The following KCNQ5 variants were observed in gnomAD, a reference collection of about 807,000 sequenced individuals.
KCNQ5 encodes the protein potassium voltage-gated channel subfamily Q member 5.
In KCNQ5, 30 loss-of-function variants were observed where a neutral mutation model predicts 98.2. The ratio of observed to expected loss-of-function variants is 0.31; its 90% CI spans 0.23 to 0.41. KCNQ5 has a LOEUF of 0.41. Among genes scored for constraint, KCNQ5 ranks in the 10% least tolerant of loss-of-function variants. The pLI is 1.00. For missense variants in KCNQ5, 835 were observed against 1,182.5 expected (o/e 0.71, Z 4.31); for synonymous variants, 458 against 449.4 (o/e 1.02, Z -0.24).
chr6:73,082,015 A>G (rs961015168), intron 5 of KCNQ5, among the ~76,000 whole-genome samples: 3 of 152,178 alleles, frequency 2.0e-5, no homozygotes, highest in African/African-American at 7.2e-5. Context: ...ATTTTCTTTC[A>G]CCTGTGTGAC....
chr6:72,986,837 C>A (rs1768801999), intron 1 of KCNQ5: 8 of 1,082,178 alleles, frequency 7.4e-6, no homozygotes, highest in Non-Finnish European at 1.1e-5. Context: ...GGCCCAGGAC[C>A]CCACAGCCCT....
intron 1 of KCNQ5, among the ~76,000 whole-genome samples, chr6:72,784,772 T>C (rs973074037): frequency 6.6e-6 from 1 of 152,172 alleles, no homozygotes; most frequent in African/African-American, 2.4e-5. Flanking sequence ...TTCCTACCCA[T>C]ATCCCTTTGG....
rs781364970 is a variant in KCNQ5 at position 73,190,544 on chromosome 6, AG to A, written c.1578-28del. 2.5e-6 allele frequency: 3 copies of A among 1,218,220 alleles called. No homozygotes were observed. In the African/African-American group the frequency reaches 4.6e-5, roughly 19 times the overall value. 75.5% of individuals were successfully genotyped at this position (1,218,220 alleles called of 1,614,324 possible). A position where few individuals can be genotyped will look rare whatever the true frequency, so the allele number is the denominator to read the frequency against. ...GTAACTTATATTAACAGAGTTATAA[AG>A]ATTAATATGTAATATGTTCTCATAC... On this transcript the variant is annotated intron_variant, in intron 11 of 13. Transcript: ENST00000370398.
At chr6:72,832,251 T>C (rs1239509511) in intron 1 of KCNQ5, among the ~76,000 whole-genome samples, 1 of 151,974 alleles carries the variant, frequency 6.6e-6, no homozygotes, top group Admixed American at 6.6e-5. Flanking sequence ...GATAAGATGT[T>C]TGGAAGAATG....
intron 5 of KCNQ5, among the ~76,000 whole-genome samples, chr6:73,102,079 C>T (rs1774801241): frequency 6.6e-6 from 1 of 151,950 alleles, no homozygotes; most frequent in Admixed American, 6.6e-5. Context: ...AAGAGAGAAA[C>T]CAGAAACAAA....
intron 6 of KCNQ5, among the ~76,000 whole-genome samples, chr6:73,110,340 G>A (rs1775190996): frequency 6.6e-6 from 1 of 152,176 alleles, no homozygotes; most frequent in Non-Finnish European, 1.5e-5. Context: ...AATTTAGCAA[G>A]CTCCAAAAGC....
intron 1 of KCNQ5, among the ~76,000 whole-genome samples, chr6:72,629,096 A>T (rs533155282): frequency 6.6e-6 from 1 of 152,282 alleles, no homozygotes; most frequent in East Asian, 1.9e-4. Flanking sequence ...ATGCATACAT[A>T]CTGATTCATT....
At chr6:72,709,454 C>A (rs184580720) in intron 1 of KCNQ5, among the ~76,000 whole-genome samples, 8 of 152,242 alleles carry the variant, frequency 5.3e-5, no homozygotes, top group Admixed American at 5.2e-4. Flanking sequence ...TTACATAACA[C>A]TCTGATGGCG....
At chr6:72,771,098 G>A (rs1251191757) in intron 1 of KCNQ5, among the ~76,000 whole-genome samples, 1 of 152,032 alleles carries the variant, frequency 6.6e-6, no homozygotes, top group Non-Finnish European at 1.5e-5. Context: ...TAAAGGAGTG[G>A]GCAGCCTTCT....
intron 1 of KCNQ5, among the ~76,000 whole-genome samples, chr6:72,964,483 C>T (rs997871409): frequency 1.3e-5 from 2 of 152,204 alleles, no homozygotes; most frequent in East Asian, 3.9e-4. Flanking sequence ...CCTTAGGGTA[C>T]AGAAAGACAT....
chr6:72,897,230 A>G (rs1025294299), intron 1 of KCNQ5, among the ~76,000 whole-genome samples: 115 of 152,036 alleles, frequency 7.6e-4, no homozygotes, highest in Middle Eastern at 3.4e-3. Flanking sequence ...AAATTATTGG[A>G]AAAAAAATTT....
intron 2 of KCNQ5, among the ~76,000 whole-genome samples, chr6:73,039,124 T>C (rs1359806562): frequency 6.6e-6 from 1 of 152,150 alleles, no homozygotes; most frequent in Non-Finnish European, 1.5e-5. Context: ...CAAGTGTATG[T>C]GCGTAAAGTT....
chr6:72,965,595 T>A (rs1003658285), intron 1 of KCNQ5, among the ~76,000 whole-genome samples: 1 of 152,210 alleles, frequency 6.6e-6, no homozygotes, highest in Non-Finnish European at 1.5e-5. Flanking sequence ...TCTGAGCAGA[T>A]GTTCTTATTG....
At chr6:72,776,274 T>A (rs2154477647) in intron 1 of KCNQ5, among the ~76,000 whole-genome samples, 1 of 152,306 alleles carries the variant, frequency 6.6e-6, no homozygotes, top group African/African-American at 2.4e-5. Flanking sequence ...CATAACCCAA[T>A]AGCCATTTAT....
intron 1 of KCNQ5, among the ~76,000 whole-genome samples, chr6:72,711,769 G>C (rs75761182): frequency 0.013 from 2,030 of 152,300 alleles, 33 homozygotes; most frequent in African/African-American, 0.042. Context: ...GAATGAATTT[G>C]TTGGGACAAG....
intron 7 of KCNQ5, among the ~76,000 whole-genome samples, chr6:73,113,422 C>A (rs1387363015): frequency 6.6e-6 from 1 of 152,184 alleles, no homozygotes. Context: ...ATGCACATAT[C>A]AATTGTGATG....
intron 7 of KCNQ5, among the ~76,000 whole-genome samples, chr6:73,118,230 G>A (rs1005563923): frequency 1.3e-5 from 2 of 152,146 alleles, no homozygotes; most frequent in South Asian, 2.1e-4. Context: ...TTCTAACAGC[G>A]TAGAATAGTT....
At chr6:72,785,347 T>A (rs1271165412) in intron 1 of KCNQ5, among the ~76,000 whole-genome samples, 1 of 151,894 alleles carries the variant, frequency 6.6e-6, no homozygotes, top group Non-Finnish European at 1.5e-5. Flanking sequence ...GATAGGGAGT[T>A]AGTCAAGAAC....
At chr6:72,964,463 T>G (rs1015044395) in intron 1 of KCNQ5, among the ~76,000 whole-genome samples, 5 of 152,184 alleles carry the variant, frequency 3.3e-5, no homozygotes, top group African/African-American at 1.2e-4. Context: ...TTATTCATAG[T>G]GAAAATATGC....
Sources: allele counts gnomAD v4.1 joint callset (sites outside exome capture counted in the v4.1 genomes callset), GRCh38; gene constraint gnomAD v4.1.1; transcripts MANE v1.5; gene names NCBI Gene and HGNC (gene_info 2026-07-23, HGNC 2026-07-21).